ST3GAL3: variants seen among roughly 807,000 people sequenced by gnomAD.
ST3GAL3 encodes the protein ST3 beta-galactoside alpha-2,3-sialyltransferase 3, also known as CMP-N-acetylneuraminate-beta-1,4-galactoside alpha-2,3-sialyltransferase.
ST3GAL3 carries 21 observed loss-of-function variants against 50.1 expected under a neutral mutation model. The ratio of observed to expected loss-of-function variants is 0.42; its 90% confidence interval spans 0.30 to 0.60. ST3GAL3 has a LOEUF of 0.60. Ranked by LOEUF, ST3GAL3 falls within the 20% of genes least tolerant of loss-of-function variation. ST3GAL3 has a pLI of 0.19. For missense variants in ST3GAL3, 353 were observed against 489.4 expected, an observed-to-expected ratio of 0.72 and a Z score of 2.63; for synonymous variants, 183 against 190.0, an observed-to-expected ratio of 0.96 and a Z score of 0.30.
At position 43,742,302 on chromosome 1, in the gene ST3GAL3, C is replaced by T. The variant is rs189055159; in HGVS notation, c.118+5922C>T. Among the ~76,000 whole-genome samples, 56 of 152,232 alleles carry T rather than the reference C, an allele frequency of 3.7e-4. No homozygotes were observed. The East Asian group carries it at 6.8e-3, about 18-fold the overall frequency. ...GATCTTACCCAAGAGTAAGATCTAC[C>T]GTAGACCCGCCCTAACAAGGCCTAA... On this transcript the variant is annotated intron_variant, in intron 2 of 11. Transcript: ENST00000347631.
intron 5 of ST3GAL3, among the ~76,000 whole-genome samples, chr1:43,856,896 TC>T (rs2068502158): frequency 6.6e-6 from 1 of 152,200 alleles, no homozygotes; most frequent in South Asian, 2.1e-4. Flanking sequence ...TGCTCTATCT[TC>T]CAATTCTCAT....
At chr1:43,904,727 T>C (rs1571083100) in intron 9 of ST3GAL3, among the ~76,000 whole-genome samples, 2 of 63,818 alleles carry the variant, frequency 3.1e-5, no homozygotes, top group Non-Finnish European at 6.5e-5. Context: ...TTCCTCACCC[T>C]CCCCCTCCTG....
intron 5 of ST3GAL3, chr1:43,841,870 T>A (rs2065433919): frequency 6.6e-6 from 1 of 152,246 alleles, no homozygotes; most frequent in South Asian, 2.1e-4. Flanking sequence ...CCCTTTTAAA[T>A]ATAAATTCCA....
chr1:43,710,968 G>C (rs1306259509), intron 1 of ST3GAL3, among the ~76,000 whole-genome samples: 1 of 152,210 alleles, frequency 6.6e-6, no homozygotes, highest in Non-Finnish European at 1.5e-5. Flanking sequence ...TTTGTACATA[G>C]TAGGTACTTG....
intron 1 of ST3GAL3, among the ~76,000 whole-genome samples, chr1:43,717,096 C>T (rs1276092310): frequency 6.6e-6 from 1 of 152,220 alleles, no homozygotes; most frequent in African/African-American, 2.4e-5. Flanking sequence ...TTCCCAGAGT[C>T]AGTTTAATTC....
intron 4 of ST3GAL3, among the ~76,000 whole-genome samples, chr1:43,823,286 A>G (rs2062342100): frequency 6.6e-6 from 1 of 152,044 alleles, no homozygotes; most frequent in South Asian, 2.1e-4. Context: ...CAGAACCTTT[A>G]TAGTGCTCAT....
At chr1:43,894,550 C>A in intron 6 of ST3GAL3, 73 bp downstream of exon 6, 1 of 1,376,938 alleles carries the variant, frequency 7.3e-7, no homozygotes, top group Non-Finnish European at 1.0e-6. Flanking sequence ...GACAAGGCTA[C>A]ATCCTCAGAA....
intron 5 of ST3GAL3, chr1:43,839,723 C>T (rs973558436): frequency 2.6e-5 from 4 of 152,210 alleles, no homozygotes; most frequent in African/African-American, 9.6e-5. Context: ...TATGGTTCAT[C>T]AGGCTTTACA....
chr1:43,837,699 G>A (rs1381311904), intron 4 of ST3GAL3, among the ~76,000 whole-genome samples: 1 of 152,214 alleles, frequency 6.6e-6, no homozygotes, highest in Admixed American at 6.5e-5. Flanking sequence ...GCTGGGCACA[G>A]TGGCTCAATG....
intron 5 of ST3GAL3, among the ~76,000 whole-genome samples, chr1:43,862,473 T>G (rs560476821): frequency 6.6e-6 from 1 of 152,270 alleles, no homozygotes; most frequent in East Asian, 1.9e-4. Context: ...CCACACTCCT[T>G]GCAGCTGGCT....
At chr1:43,925,414 C>G (rs1418823915) in intron 11 of ST3GAL3, among the ~76,000 whole-genome samples, 1 of 151,946 alleles carries the variant, frequency 6.6e-6, no homozygotes, top group Non-Finnish European at 1.5e-5. Flanking sequence ...GTAACAGCAC[C>G]TACCTCCTAG....
chr1:43,818,745 T>C (rs886978158), intron 4 of ST3GAL3, among the ~76,000 whole-genome samples: 1 of 151,948 alleles, frequency 6.6e-6, no homozygotes, highest in Non-Finnish European at 1.5e-5. Flanking sequence ...TAGGGAACTA[T>C]GAAAAACAAA....
At chr1:43,841,106 C>G (rs1031156096) in intron 5 of ST3GAL3, 19 of 152,328 alleles carry the variant, frequency 1.2e-4, no homozygotes, top group African/African-American at 4.6e-4. Flanking sequence ...AGCTCCGCCC[C>G]TGTGGCTTTG....
chr1:43,905,425 C>T (rs1346335615), intron 9 of ST3GAL3, among the ~76,000 whole-genome samples: 32 of 119,636 alleles, frequency 2.7e-4, no homozygotes, highest in South Asian at 7.0e-4. Flanking sequence ...TGCCACTTTT[C>T]CTCCCCCTCG....
intron 2 of ST3GAL3, among the ~76,000 whole-genome samples, chr1:43,751,781 T>C (rs1686205939): frequency 1.3e-5 from 2 of 152,238 alleles, no homozygotes; most frequent in Admixed American, 6.5e-5. Flanking sequence ...ATGGTCGTTA[T>C]AATCTAGCAA....
At chr1:43,877,041 C>G (rs971938592) in intron 5 of ST3GAL3, among the ~76,000 whole-genome samples, 3 of 152,194 alleles carry the variant, frequency 2.0e-5, no homozygotes, top group African/African-American at 7.2e-5. Context: ...ACAGTTCTCC[C>G]TATGCATCTC....
intron 5 of ST3GAL3, among the ~76,000 whole-genome samples, chr1:43,883,597 C>T (rs2075508970): frequency 6.6e-6 from 1 of 152,218 alleles, no homozygotes; most frequent in Admixed American, 6.5e-5. Flanking sequence ...ATCTCAGCTG[C>T]TTTGTTTACA....
chr1:43,873,640 C>T (rs1014428664), intron 5 of ST3GAL3, among the ~76,000 whole-genome samples: 12 of 152,038 alleles, frequency 7.9e-5, no homozygotes, highest in African/African-American at 2.9e-4. Context: ...CAAAAATTAG[C>T]TGGGTGTGGT....
intron 2 of ST3GAL3, among the ~76,000 whole-genome samples, chr1:43,774,554 A>G (rs1385128823): frequency 6.6e-6 from 1 of 152,190 alleles, no homozygotes; most frequent in African/African-American, 2.4e-5. Context: ...AGCGTGGGCA[A>G]GCCCCATATG....
Sources: gnomAD v4.1 joint callset for allele counts (sites outside exome capture counted in the v4.1 genomes callset) on GRCh38, gnomAD v4.1.1 for gene constraint, MANE v1.5 for transcripts, NCBI Gene and HGNC (gene_info 2026-07-23, HGNC 2026-07-21) for gene names.